The following FHIT variants were observed in gnomAD, a reference collection of about 807,000 sequenced individuals.
FHIT encodes the protein bis(5'-adenosyl)-triphosphatase.
FHIT carries 19 observed loss-of-function variants against 17.9 expected under a neutral mutation model. That is an observed-to-expected ratio of 1.06 (90% confidence interval 0.74 to 1.56). The LOEUF (loss-of-function observed/expected upper bound fraction) is 1.56. FHIT is among the 40% of genes most tolerant of loss of function. The pLI is 0.00. For missense variants in FHIT, 248 were observed against 189.2 expected (o/e 1.31, Z -1.82); for synonymous variants, 81 against 69.7 (o/e 1.16, Z -0.81).
At chr3:61,113,346 C>A (rs768099940) in intron 2 of FHIT, among the ~76,000 whole-genome samples, 21 of 152,088 alleles carry the variant, frequency 1.4e-4, no homozygotes, top group Admixed American at 6.6e-4. Context: ...ATTTTGACTT[C>A]ATTTCTTTCT....
At chr3:60,355,118 A>G (rs1699589478) in intron 5 of FHIT, among the ~76,000 whole-genome samples, 1 of 152,216 alleles carries the variant, frequency 6.6e-6, no homozygotes, top group Non-Finnish European at 1.5e-5. Flanking sequence ...GTCAGATAAA[A>G]CACACATGCA....
chr3:59,997,160 T>C (rs938948680), intron 7 of FHIT, among the ~76,000 whole-genome samples: 1 of 152,142 alleles, frequency 6.6e-6, no homozygotes, highest in Admixed American at 6.6e-5. Flanking sequence ...AAGAGAACAG[T>C]CACCAAATAG....
intron 4 of FHIT, among the ~76,000 whole-genome samples, chr3:60,672,874 C>CGTATGTGTGT (rs1553694317): frequency 2.1e-4 from 30 of 139,566 alleles, no homozygotes; most frequent in African/African-American, 3.2e-4. Context: ...CTCTTTGTAG[C>CGTATGTGTGT]GTGTGTGTGT....
chr3:60,215,216 G>A (rs756639267), intron 5 of FHIT, among the ~76,000 whole-genome samples: 9 of 152,102 alleles, frequency 5.9e-5, no homozygotes, highest in Non-Finnish European at 1.0e-4. Context: ...AATAGGCTGG[G>A]CCTGGTGGCT....
chr3:59,774,180 C>G (rs145356136), intron 8 of FHIT, among the ~76,000 whole-genome samples: 1 of 152,160 alleles, frequency 6.6e-6, no homozygotes, highest in Non-Finnish European at 1.5e-5. Flanking sequence ...TCAAATCTGG[C>G]CAGGTGCCTG....
At chr3:60,689,459 T>A (rs185852904) in intron 4 of FHIT, among the ~76,000 whole-genome samples, 1 of 152,322 alleles carries the variant, frequency 6.6e-6, no homozygotes. Flanking sequence ...TAAAGTAGTC[T>A]GTAGGTTACA....
intron 5 of FHIT, among the ~76,000 whole-genome samples, chr3:60,362,388 G>A (rs113684479): frequency 0.041 from 6,220 of 152,028 alleles, 301 homozygotes; most frequent in African/African-American, 0.12. Context: ...TTTTCTGTTC[G>A]GATTTTTTTT....
intron 3 of FHIT, among the ~76,000 whole-genome samples, chr3:60,966,153 C>T (rs1320250174): frequency 1.3e-5 from 2 of 152,204 alleles, no homozygotes; most frequent in Non-Finnish European, 2.9e-5. Flanking sequence ...CACCCCTCCC[C>T]CAGCCTCACT....
intron 5 of FHIT, among the ~76,000 whole-genome samples, chr3:60,200,537 A>C (rs1034264859): frequency 2.6e-5 from 4 of 152,152 alleles, no homozygotes; most frequent in African/African-American, 9.7e-5. Context: ...TAAATCATTA[A>C]AATATGAAAA....
intron 4 of FHIT, among the ~76,000 whole-genome samples, chr3:60,787,159 C>A (rs1468091927): frequency 2.0e-5 from 3 of 151,944 alleles, no homozygotes; most frequent in Non-Finnish European, 4.4e-5. Context: ...AAGTAATGAC[C>A]CATGTGGGTA....
chr3:61,158,456 AG>A (rs1230781483), intron 2 of FHIT, among the ~76,000 whole-genome samples: 10 of 152,174 alleles, frequency 6.6e-5, no homozygotes, highest in Admixed American at 4.6e-4. Flanking sequence ...AATTAAAGGG[AG>A]ATTTGTCTAA....
chr3:60,222,681 A>C (rs902978594), intron 5 of FHIT, among the ~76,000 whole-genome samples: 2 of 152,138 alleles, frequency 1.3e-5, no homozygotes, highest in African/African-American at 4.8e-5. Flanking sequence ...ATTTCCTACC[A>C]CCTTTAAATA....
At chr3:60,719,091 C>A (rs1355723021) in intron 4 of FHIT, among the ~76,000 whole-genome samples, 1 of 152,166 alleles carries the variant, frequency 6.6e-6, no homozygotes, top group Non-Finnish European at 1.5e-5. Flanking sequence ...TATATCAAGT[C>A]CCTTAGCCTC....
chr3:60,394,180 G>A (rs575561268), intron 5 of FHIT, among the ~76,000 whole-genome samples: 5 of 152,234 alleles, frequency 3.3e-5, no homozygotes, highest in Admixed American at 6.5e-5. Context: ...GGGAATAGCA[G>A]GTGAAAAACT....
intron 5 of FHIT, among the ~76,000 whole-genome samples, chr3:60,288,343 G>T (rs538909064): frequency 5.3e-5 from 8 of 152,224 alleles, no homozygotes; most frequent in African/African-American, 1.9e-4. Flanking sequence ...ACTAGGAGGA[G>T]AATTTTAAAA....
At chr3:60,197,142 A>C (rs1253396458) in intron 5 of FHIT, among the ~76,000 whole-genome samples, 1 of 152,232 alleles carries the variant, frequency 6.6e-6, no homozygotes, top group Non-Finnish European at 1.5e-5. Context: ...ATTTAAAAAT[A>C]TATAACCATC....
At chr3:60,527,939 G>C (rs994466806) in intron 5 of FHIT, among the ~76,000 whole-genome samples, 2 of 152,214 alleles carry the variant, frequency 1.3e-5, no homozygotes, top group African/African-American at 2.4e-5. Flanking sequence ...CTGTGCCTCA[G>C]CTTTTCCATT....
At chr3:61,225,685 G>A (rs2039953331) in intron 1 of FHIT, among the ~76,000 whole-genome samples, 1 of 152,190 alleles carries the variant, frequency 6.6e-6, no homozygotes, top group Non-Finnish European at 1.5e-5. Context: ...ATAAAGCAAC[G>A]TGGAAGTTAG....
At chr3:60,583,432 A>G (rs1237175642) in intron 4 of FHIT, among the ~76,000 whole-genome samples, 10 of 151,994 alleles carry the variant, frequency 6.6e-5, no homozygotes, top group African/African-American at 2.4e-4. Flanking sequence ...CTTGGCTGCA[A>G]CTACTCAATT....
Sources: gnomAD v4.1 joint callset for allele counts (sites outside exome capture counted in the v4.1 genomes callset) on GRCh38, gnomAD v4.1.1 for gene constraint, MANE v1.5 for transcripts, NCBI Gene and HGNC (gene_info 2026-07-23, HGNC 2026-07-21) for gene names.